TOPAZ1: variants seen among roughly 807,000 people sequenced by gnomAD.
TOPAZ1 encodes the protein testis and ovary specific TOPAZ 1, also known as protein TOPAZ1.
A neutral mutation model predicts 172.2 loss-of-function variants in TOPAZ1; 66 were observed. The ratio of observed to expected loss-of-function variants is 0.38; its 90% CI spans 0.31 to 0.47. The LOEUF is 0.47. Ranked by LOEUF, TOPAZ1 falls within the 20% of genes least tolerant of loss-of-function variation. The pLI, the probability that TOPAZ1 is intolerant of heterozygous loss-of-function variation, is 0.99. For synonymous variants in TOPAZ1, 681 were observed against 683.9 expected, an observed-to-expected ratio of 1.00 and a Z score of 0.07; for missense variants, 1,822 against 1,972.4, an observed-to-expected ratio of 0.92 and a Z score of 1.44.
intron 12 of TOPAZ1, 125 bp downstream of exon 12, chr3:44,291,011 C>G (rs1000591037): frequency 1.2e-5 from 7 of 577,714 alleles, no homozygotes; most frequent in Non-Finnish European, 2.0e-5. Flanking sequence ...CTGTCATAAA[C>G]CCTTCTCCTG....
Position 44,241,977 on chromosome 3 carries a change from G to A in TOPAZ1, c.-77G>A. The stretch of plus-strand genomic sequence containing the variant: ...GTCAGAGGGCAGTAGGTACCTCCAG[G>A]CGGGAGCAGCGTTTGCACCGCGGTG... On this transcript the variant is annotated 5_prime_UTR_variant, in exon 1 of 20. Coordinates refer to ENST00000309765, the MANE Select transcript of TOPAZ1 (RefSeq NM_001145030.2). 7.3e-7 allele frequency: 1 copy of A among 1,372,246 alleles called. No homozygotes were observed. Among genetic ancestry groups the A allele is most frequent in the Non-Finnish European group, 9.9e-7 (1 of 1,010,680 alleles). The allele number at this position is 1,372,246 out of a possible 1,614,324, so 85.0% of individuals were successfully genotyped here.
chr3:44,257,071 G>C (rs1208890072), intron 4 of TOPAZ1, among the ~76,000 whole-genome samples: 1 of 152,114 alleles, frequency 6.6e-6, no homozygotes, highest in African/African-American at 2.4e-5. Context: ...ACTCAGGCCT[G>C]TTATCTCAGG....
intron 1 of TOPAZ1, 108 bp downstream of exon 1, chr3:44,242,507 C>A: frequency 8.5e-7 from 1 of 1,180,950 alleles, no homozygotes; most frequent in Non-Finnish European, 1.2e-6. Context: ...ATTTCTGATG[C>A]ACATAGTTGA....
Position 44,307,449 on chromosome 3 carries a change from C to A in TOPAZ1, c.4140+1023C>A, listed in dbSNP as rs1700348468. Among the ~76,000 whole-genome samples, 2 of 152,074 alleles carry A rather than the reference C, an allele frequency of 1.3e-5. 1 individual carries two copies. Among genetic ancestry groups the A allele is most frequent in the South Asian group, 4.1e-4 (2 of 4,824 alleles). ...ATGTCTAACTTTGAGGCTTAGCTTACCATAGAGATGGTTTAGTGACTCAAG... is the reference window on the plus strand; with the variant it reads ...ATGTCTAACTTTGAGGCTTAGCTTAACATAGAGATGGTTTAGTGACTCAAG... On this transcript the variant is annotated intron_variant, in intron 15 of 19. Coordinates refer to ENST00000309765, the MANE Select transcript of TOPAZ1 (RefSeq NM_001145030.2).
chr3:44,296,421 T>A (rs1419983293), intron 12 of TOPAZ1, among the ~76,000 whole-genome samples: 2 of 148,246 alleles, frequency 1.3e-5, no homozygotes, highest in African/African-American at 2.5e-5. Flanking sequence ...CTAGCAAGAC[T>A]AAAAAAAAAA....
intron 6 of TOPAZ1, 76 bp from the exon 7 acceptor site, chr3:44,269,140 G>T: frequency 1.2e-6 from 1 of 813,148 alleles, no homozygotes; most frequent in South Asian, 1.5e-5. Flanking sequence ...AGATAGTAGT[G>T]ATCATCTATT....
intron 8 of TOPAZ1, among the ~76,000 whole-genome samples, chr3:44,278,918 T>C (rs1699993673): frequency 6.6e-6 from 1 of 152,018 alleles, no homozygotes; most frequent in Non-Finnish European, 1.5e-5. Flanking sequence ...TTGAGATGCA[T>C]TGTTAGAGTG....
At chr3:44,316,374 C>A (rs1700452445) in intron 16 of TOPAZ1, among the ~76,000 whole-genome samples, 1 of 152,198 alleles carries the variant, frequency 6.6e-6, no homozygotes, top group South Asian at 2.1e-4. Flanking sequence ...TTTTAAAATA[C>A]AATTATTAAA....
chr3:44,304,636 T>TTA (rs544251999), intron 13 of TOPAZ1, among the ~76,000 whole-genome samples: 71 of 152,372 alleles, frequency 4.7e-4, no homozygotes, highest in African/African-American at 1.7e-3. Flanking sequence ...CTTCTTTAGT[T>TTA]TATAACAGAA....
At chr3:44,335,299 C>T, downstream of TOPAZ1, among the ~76,000 whole-genome samples, 1 of 152,054 alleles carries the variant, frequency 6.6e-6, no homozygotes, top group East Asian at 1.9e-4. Flanking sequence ...CTTAAGCCAT[C>T]CCTGGCATAC....
At chr3:44,299,884 T>C (rs913049752) in intron 12 of TOPAZ1, among the ~76,000 whole-genome samples, 1 of 129,594 alleles carries the variant, frequency 7.7e-6, no homozygotes, top group African/African-American at 2.9e-5. Flanking sequence ...TTCTCACTCA[T>C]AGGTGGGAAT....
At chr3:44,277,960 T>C (rs1354305145) in intron 8 of TOPAZ1, among the ~76,000 whole-genome samples, 7 of 152,208 alleles carry the variant, frequency 4.6e-5, no homozygotes, top group Non-Finnish European at 4.4e-5. Flanking sequence ...TAAACATCTT[T>C]TCTTTGTAAA....
At chr3:44,290,943 A>G in intron 12 of TOPAZ1, 57 bp downstream of exon 12, 3 of 1,153,806 alleles carry the variant, frequency 2.6e-6, no homozygotes, top group Non-Finnish European at 3.7e-6. Flanking sequence ...GGGGACTTAT[A>G]AAAGCTGAAG....
chr3:44,244,044 C>T lies in TOPAZ1; in HGVS notation c.1538C>T (p.Pro513Leu). 1 of 1,551,798 alleles carries T rather than the reference C, an allele frequency of 6.4e-7. No homozygotes were observed. The highest frequency in any genetic ancestry group is 8.7e-7 in the Non-Finnish European group (1 of 1,146,984). ...TGGTGTTGGAAAAAGGCTTCCTTGCCAGAATCAAGTTACTTTCTTCGTGGG... is the reference window on the plus strand; with the variant it reads ...TGGTGTTGGAAAAAGGCTTCCTTGCTAGAATCAAGTTACTTTCTTCGTGGG... ...SAWCWKKASLPESSYFLRGSQ... is the reference protein window; with the variant it reads ...SAWCWKKASLLESSYFLRGSQ... Residue 513 changes from proline (P) to leucine (L), a missense_variant, in exon 2 of 20, where the codon CCA (proline) becomes CTA (leucine). This residue lies in a region of TOPAZ1 where 1,489 missense variants were observed against 1,490.8 expected (regional missense o/e 1.00). Coordinates refer to ENST00000309765, the MANE Select transcript of TOPAZ1 (RefSeq NM_001145030.2).
downstream of TOPAZ1, among the ~76,000 whole-genome samples, chr3:44,333,141 T>C (rs1318563454): frequency 6.6e-6 from 1 of 151,992 alleles, no homozygotes; most frequent in Non-Finnish European, 1.5e-5. Context: ...AAGTATTTCT[T>C]AAGGGAGTTC....
chr3:44,311,468 AAACCAGTCTTTCTC>A (rs1700397097), intron 16 of TOPAZ1, among the ~76,000 whole-genome samples: 2 of 152,204 alleles, frequency 1.3e-5, no homozygotes. Flanking sequence ...GTTTGTGGCA[AAACCAGTCTTTCTC>A]AAACTAGAAA....
At chr3:44,312,413 G>A (rs186721503) in intron 16 of TOPAZ1, among the ~76,000 whole-genome samples, 5 of 152,288 alleles carry the variant, frequency 3.3e-5, no homozygotes, top group Non-Finnish European at 2.9e-5. Context: ...GTGCTTGGAG[G>A]ACAGAGTAGC....
In TOPAZ1 at chr3:44,290,986, C is replaced by T. The variant is rs1012313779; in HGVS notation, c.3797+100C>T. The T allele has an allele frequency of 4.2e-6, 3 of 709,028 alleles. No homozygotes were observed. In the African/African-American group the frequency reaches 5.5e-5, roughly 13 times the overall value. The allele number at this position is 709,028 out of a possible 1,614,324, so 43.9% of individuals were successfully genotyped here. ...TCTAATAACTGTTTGTATGCCCAAA[C>T]ATTTAGATAGTGGCCTGTCATAAAC... On this transcript the variant is annotated intron_variant, in intron 12 of 19. Transcript: ENST00000309765.
intron 12 of TOPAZ1, among the ~76,000 whole-genome samples, chr3:44,293,158 CTT>C (rs1253147519): frequency 6.6e-6 from 1 of 152,202 alleles, no homozygotes; most frequent in South Asian, 2.1e-4. Context: ...TGTAAACAAA[CTT>C]ACTGCGCTGC....
Sources: allele counts gnomAD v4.1 joint callset (sites outside exome capture counted in the v4.1 genomes callset), GRCh38; gene constraint gnomAD v4.1.1; regional missense constraint gnomAD v4.1.1; transcripts MANE v1.5; gene names NCBI Gene and HGNC (gene_info 2026-07-23, HGNC 2026-07-21).